PDS5B: variants seen among roughly 807,000 people sequenced by gnomAD.
PDS5B encodes PDS5 cohesin associated factor B.
Under a neutral mutation model 184.1 loss-of-function variants are expected in PDS5B, and 51 were observed. The ratio of observed to expected loss-of-function variants is 0.28; its 90% CI spans 0.22 to 0.35. The LOEUF is 0.35. PDS5B is among the 10% of genes least tolerant of loss of function. PDS5B has a pLI of 1.00. For missense variants in PDS5B, 1,180 were observed against 1,723.3 expected (o/e 0.68, Z 5.58); for synonymous variants, 566 against 569.2 (o/e 0.99, Z 0.08).
intron 24 of PDS5B, among the ~76,000 whole-genome samples, chr13:32,747,498 A>G (rs922039444): frequency 1.3e-5 from 2 of 151,838 alleles, no homozygotes; most frequent in African/African-American, 4.8e-5. Flanking sequence ...CATGCCAGAG[A>G]ATTGCTTGAA....
chr13:32,766,857 C>T (rs1954602904), intron 31 of PDS5B, among the ~76,000 whole-genome samples: 1 of 152,082 alleles, frequency 6.6e-6, no homozygotes, highest in South Asian at 2.1e-4. Flanking sequence ...CCAACCTTTT[C>T]CAGAGCTTAA....
chr13:32,759,078 C>G (rs141341265), intron 28 of PDS5B, among the ~76,000 whole-genome samples: 1 of 152,112 alleles, frequency 6.6e-6, no homozygotes, highest in Non-Finnish European at 1.5e-5. Context: ...AAACCATGCT[C>G]CAAAAACTCG....
chr13:32,688,722 C>G lies in PDS5B; in HGVS notation c.1469+153C>G, dbSNP rs1951464509. 1.2e-5 allele frequency: 7 copies of G among 586,594 alleles called. No individual in the cohort carries two copies. The East Asian group carries it at 2.0e-4, about 17-fold the overall frequency. The allele number at this position is 586,594 out of a possible 1,614,324, so 36.3% of individuals were successfully genotyped here. ...ATGTCGTAGTACTTGGCTATTTTTT[C>G]AGAAAGTACCACTTTAAACATGAGA... On this transcript the variant is annotated intron_variant, in intron 13 of 34. Coordinates refer to ENST00000315596, the MANE Select transcript of PDS5B (RefSeq NM_015032.4).
chr13:32,691,752 T>C (rs1309076700), intron 13 of PDS5B, among the ~76,000 whole-genome samples: 1 of 152,130 alleles, frequency 6.6e-6, no homozygotes, highest in Admixed American at 6.6e-5. Flanking sequence ...TCTATGTGCC[T>C]TTTCATCATT....
chr13:32,674,119 A>T (rs1279951953), intron 8 of PDS5B, among the ~76,000 whole-genome samples: 1 of 152,096 alleles, frequency 6.6e-6, no homozygotes, highest in Non-Finnish European at 1.5e-5. Flanking sequence ...GACCGAGTGA[A>T]ATTTTTTGGT....
At chr13:32,731,718 G>C (rs1246543087) in intron 19 of PDS5B, among the ~76,000 whole-genome samples, 2 of 152,206 alleles carry the variant, frequency 1.3e-5, no homozygotes, top group East Asian at 1.9e-4. Flanking sequence ...AATTGGAAGA[G>C]GCAGAGACTT....
intron 19 of PDS5B, among the ~76,000 whole-genome samples, chr13:32,716,584 G>A (rs1489760245): frequency 5.5e-5 from 8 of 146,504 alleles, no homozygotes; most frequent in South Asian, 4.5e-4. Flanking sequence ...GTCAGCCCCC[G>A]CCAGGCCAGC....
At position 32,770,577 on chromosome 13, in the gene PDS5B, C is replaced by G; in HGVS notation, c.4064+17C>G. On this transcript the variant is annotated intron_variant, in intron 32 of 34. Transcript: ENST00000315596. ...ACAGCAGAGGTAAGCATGTGTAACT[C>G]TAAACTGCATCTGTTTCGTTACTAT... is the stretch of plus-strand genomic sequence containing the variant. 6.2e-7 allele frequency: 1 copy of G among 1,602,116 alleles called. No individual in the cohort carries two copies. The highest frequency in any genetic ancestry group is 1.1e-5 in the South Asian group (1 of 88,386).
Position 32,735,271 on chromosome 13 carries a change from G to A in PDS5B, c.2347G>A (p.Ala783Thr). ...IALLAPDQFA[A>T]PLKSLVATFI... is the part of the protein sequence containing the mutation. ...TCTCCTTGCACCTGATCAATTTGCT[G>A]CTCCTTTGAAATCTTTGGTAGCTAC... Residue 783 changes from alanine (A) to threonine (T), a missense_variant, in exon 21 of 35, where the codon GCT becomes ACT. Physicochemically the swap from Ala to Thr is moderately conservative, Grantham distance 58. This residue lies in a region of PDS5B where 475 missense variants were observed against 691.5 expected (regional missense o/e 0.69). Transcript: ENST00000315596. 4 of 1,611,938 alleles carry A rather than the reference G, an allele frequency of 2.5e-6. No individual in the cohort carries two copies. Among genetic ancestry groups the A allele is most frequent in the Non-Finnish European group, 2.5e-6 (3 of 1,178,486 alleles).
chr13:32,657,848 C>T (rs1484502408), intron 3 of PDS5B, among the ~76,000 whole-genome samples: 1 of 152,044 alleles, frequency 6.6e-6, no homozygotes, highest in Non-Finnish European at 1.5e-5. Context: ...TCCTAAACTG[C>T]TCTTGCTATT....
At chr13:32,598,916 G>A (rs147173003) in intron 1 of PDS5B, among the ~76,000 whole-genome samples, 13 of 151,642 alleles carry the variant, frequency 8.6e-5, no homozygotes, top group African/African-American at 2.7e-4. Context: ...GACTATAGGC[G>A]CCTGCCACGG....
chr13:32,622,708 A>G (rs1339523234), intron 1 of PDS5B, among the ~76,000 whole-genome samples: 1 of 152,156 alleles, frequency 6.6e-6, no homozygotes, highest in Non-Finnish European at 1.5e-5. Context: ...ATTGTTTAAT[A>G]GCTGATATAA....
chr13:32,631,250 G>A (rs1212879318), intron 1 of PDS5B, among the ~76,000 whole-genome samples: 1 of 148,956 alleles, frequency 6.7e-6, no homozygotes, highest in African/African-American at 2.5e-5. Context: ...CCAGTTAGTT[G>A]GGACTAATTT....
chr13:32,638,215 C>G (rs1383041916), intron 1 of PDS5B, among the ~76,000 whole-genome samples: 1 of 152,212 alleles, frequency 6.6e-6, no homozygotes, highest in South Asian at 2.1e-4. Context: ...CAAACACTTA[C>G]TAAACTTCTC....
At chr13:32,691,053 T>C (rs554895173) in intron 13 of PDS5B, 2 of 152,194 alleles carry the variant, frequency 1.3e-5, no homozygotes, top group East Asian at 3.9e-4. Context: ...TTATGAAGCA[T>C]AGTAATAAAG....
At position 32,659,337 on chromosome 13, in the gene PDS5B, A is replaced by G. The variant is rs1242439798; in HGVS notation, c.624+57A>G. The G allele has an allele frequency of 5.3e-6, 7 of 1,332,102 alleles. No homozygotes were observed. The East Asian group carries it at 1.5e-4, about 29-fold the overall frequency. 82.5% of individuals were successfully genotyped at this position (1,332,102 alleles called of 1,614,324 possible). On this transcript the variant is annotated intron_variant, in intron 6 of 34. Transcript: ENST00000315596. The stretch of plus-strand genomic sequence containing the variant: ...ATGCCCGTTAATATTAAGGCTTAAA[A>G]TTTGTGCTTAGGTTCTAAATATGGT...
At chr13:32,602,426 C>T (rs1357024033) in intron 1 of PDS5B, among the ~76,000 whole-genome samples, 1 of 152,168 alleles carries the variant, frequency 6.6e-6, no homozygotes, top group African/African-American at 2.4e-5. Context: ...AGGACATGAA[C>T]TCATCCTTTT....
chr13:32,670,352 G>A lies in PDS5B; in HGVS notation c.705+2508G>A, dbSNP rs1465208541. On this transcript the variant is annotated intron_variant, in intron 7 of 34. Coordinates refer to ENST00000315596, the MANE Select transcript of PDS5B (RefSeq NM_015032.4). ...TCACTTCAGCCTCCTGAGTAGCTGGGACTACAGGAATGAAACACCATGTCT... is the reference window on the plus strand; with the variant it reads ...TCACTTCAGCCTCCTGAGTAGCTGGAACTACAGGAATGAAACACCATGTCT... Among the ~76,000 whole-genome samples, 3 of 152,070 alleles carry A rather than the reference G, an allele frequency of 2.0e-5. No individual in the cohort carries two copies. In the East Asian group the frequency reaches 5.8e-4, roughly 29 times the overall value.
chr13:32,651,748 C>A, intron 2 of PDS5B, 56 bp from the exon 3 acceptor site: 3 of 1,047,174 alleles, frequency 2.9e-6, no homozygotes, highest in South Asian at 1.4e-5. Context: ...CTTTATTTCA[C>A]ATGACTGTAG....
Sources: allele counts gnomAD v4.1 joint callset (sites outside exome capture counted in the v4.1 genomes callset), GRCh38; gene constraint gnomAD v4.1.1; regional missense constraint gnomAD v4.1.1; transcripts MANE v1.5; gene names NCBI Gene and HGNC (gene_info 2026-07-23, HGNC 2026-07-21).